The following ACCSL variants were observed in gnomAD, a reference collection of about 807,000 sequenced individuals.
ACCSL encodes the protein 1-aminocyclopropane-1-carboxylate synthase homolog (inactive) like, also known as probable inactive 1-aminocyclopropane-1-carboxylate synthase-like protein 2.
In ACCSL, 55 loss-of-function variants were observed where a neutral mutation model predicts 61.7. The ratio of observed to expected loss-of-function variants is 0.89; its 90% CI spans 0.72 to 1.12. The LOEUF (loss-of-function observed/expected upper bound fraction) is 1.12. Ranked by LOEUF, ACCSL falls within the 50% of genes most tolerant of loss-of-function variation. The probability of loss-of-function intolerance (pLI) is 0.00; values close to 1 mark genes in which losing one functional copy is unlikely to be tolerated. For missense variants in ACCSL, 632 were observed against 698.0 expected (o/e 0.91, Z 1.07); for synonymous variants, 258 against 264.3 (o/e 0.98, Z 0.23).
chr11:43,958,973 A>G, the ACCSL span, among the ~76,000 whole-genome samples: 1 of 152,128 alleles, frequency 6.6e-6, no homozygotes, highest in Non-Finnish European at 1.5e-5. Flanking sequence ...GGATGAACAC[A>G]TGGCAGAAGG....
intron 9 of ACCSL, 106 bp from the exon 10 acceptor site, chr11:44,055,933 GC>G: frequency 7.8e-7 from 1 of 1,289,766 alleles, no homozygotes. Flanking sequence ...GGCCCTATAG[GC>G]CCTTCTGTCT....
the ACCSL span, among the ~76,000 whole-genome samples, chr11:44,001,719 C>T: frequency 9.4e-5 from 14 of 149,078 alleles, no homozygotes; most frequent in Admixed American, 4.7e-4. Flanking sequence ...GGAGGCCAGC[C>T]TTTGCCTGGG....
the ACCSL span, among the ~76,000 whole-genome samples, chr11:44,008,278 G>A: frequency 2.6e-5 from 4 of 152,170 alleles, no homozygotes; most frequent in Non-Finnish European, 5.9e-5. Context: ...CTGCAAAAAT[G>A]TGACAGTTTT....
At chr11:43,973,682 G>A in the ACCSL span, among the ~76,000 whole-genome samples, 1 of 152,170 alleles carries the variant, frequency 6.6e-6, no homozygotes, top group East Asian at 1.9e-4. Context: ...AAAGGTGGAA[G>A]AGCATAAGAT....
chr11:43,971,284 C>CAAA, the ACCSL span, among the ~76,000 whole-genome samples: 16,322 of 137,310 alleles, frequency 0.12, 1,028 homozygotes, highest in Non-Finnish European at 0.14. Flanking sequence ...GACTCTGTCT[C>CAAA]AAAAAAAAAA....
the ACCSL span, among the ~76,000 whole-genome samples, chr11:44,008,690 G>A: frequency 8.6e-3 from 1,304 of 152,334 alleles, 20 homozygotes; most frequent in African/African-American, 0.03. Flanking sequence ...CTGCAGCGAT[G>A]ATAACACCTG....
the ACCSL span, among the ~76,000 whole-genome samples, chr11:43,970,186 C>A: frequency 6.6e-6 from 1 of 151,930 alleles, no homozygotes; most frequent in African/African-American, 2.4e-5. Context: ...GAGGATCGCT[C>A]GAGTGATCCT....
the ACCSL span, among the ~76,000 whole-genome samples, chr11:44,037,913 G>T: frequency 0.18 from 25,150 of 136,630 alleles, 2,632 homozygotes; most frequent in Non-Finnish European, 0.23. Context: ...CCATCCACTT[G>T]GTCATTCATT....
the ACCSL span, among the ~76,000 whole-genome samples, chr11:43,935,055 C>T: frequency 1.3e-5 from 2 of 152,276 alleles, no homozygotes; most frequent in East Asian, 1.9e-4. Context: ...CCTGCAGCCC[C>T]GGCACAGGCT....
At chr11:44,047,736 C>T (rs1042898853), upstream of ACCSL, among the ~76,000 whole-genome samples, 2 of 152,196 alleles carry the variant, frequency 1.3e-5, no homozygotes, top group Admixed American at 1.3e-4. Context: ...AAATCCAGAG[C>T]CTCCTTGTTC....
the ACCSL span, among the ~76,000 whole-genome samples, chr11:43,937,192 G>T: frequency 6.6e-6 from 1 of 152,190 alleles, no homozygotes; most frequent in Non-Finnish European, 1.5e-5. Flanking sequence ...CATGCCACAG[G>T]GACCTCTGCA....
the ACCSL span, among the ~76,000 whole-genome samples, chr11:43,973,580 T>C: frequency 6.6e-6 from 1 of 152,122 alleles, no homozygotes. Context: ...CTCTCAACCC[T>C]TGTGGTGGGC....
chr11:43,929,465 TG>T, the ACCSL span, among the ~76,000 whole-genome samples: 1,308 of 152,298 alleles, frequency 8.6e-3, 14 homozygotes, highest in African/African-American at 0.03. Flanking sequence ...TGGAGTGAAG[TG>T]GCACGATCTT....
upstream of ACCSL, chr11:44,047,906 C>A: frequency 3.3e-6 from 4 of 1,205,156 alleles, no homozygotes; most frequent in Non-Finnish European, 4.6e-6. Flanking sequence ...AAGAACAGAT[C>A]TGAGATCTGT....
At chr11:44,007,091 C>A in the ACCSL span, among the ~76,000 whole-genome samples, 2 of 152,084 alleles carry the variant, frequency 1.3e-5, no homozygotes, top group Non-Finnish European at 2.9e-5. Flanking sequence ...TTAGGCTTGG[C>A]GGGACAATTT....
At chr11:43,956,850 G>A in the ACCSL span, among the ~76,000 whole-genome samples, 289 of 150,690 alleles carry the variant, frequency 1.9e-3, 1 homozygote, top group Admixed American at 3.4e-3. Flanking sequence ...ATGCATCTGT[G>A]GCTGTTTTTT....
At chr11:44,020,340 T>C in the ACCSL span, among the ~76,000 whole-genome samples, 1 of 152,172 alleles carries the variant, frequency 6.6e-6, no homozygotes, top group Admixed American at 6.5e-5. Flanking sequence ...CTTACTTGTC[T>C]TGACTAGACT....
chr11:44,037,136 C>A, the ACCSL span, among the ~76,000 whole-genome samples: 10 of 152,220 alleles, frequency 6.6e-5, no homozygotes, highest in African/African-American at 2.2e-4. Flanking sequence ...AACCTTGGAA[C>A]CTACAGGCCT....
rs1227814476 is a variant in ACCSL, at chr11:44,056,092, C to T, written c.1185+7C>T. The T allele has an allele frequency of 6.2e-7, 1 of 1,614,222 alleles. No individual in the cohort carries two copies. Among genetic ancestry groups the T allele is most frequent in the African/African-American group, 1.3e-5 (1 of 75,068 alleles). On this transcript the variant is annotated splice_region_variant and intron_variant, in intron 10 of 13. Transcript: ENST00000378832. ...GATCTGGGGTACCAGTAAGGTGAGC[C>T]ATTGCTTTCTCTCCTTGGCTAGGGA...
Sources: allele counts gnomAD v4.1 joint callset (sites outside exome capture counted in the v4.1 genomes callset), GRCh38; gene constraint gnomAD v4.1.1; transcripts MANE v1.5; gene names NCBI Gene and HGNC (gene_info 2026-07-23, HGNC 2026-07-21).